Variants in TAF4 observed in about 807,000 individuals in gnomAD.
The protein encoded by TAF4 is transcription initiation factor TFIID subunit 4.
A neutral mutation model predicts 90.3 loss-of-function variants in TAF4; 9 were observed. That is an observed-to-expected ratio of 0.10 (90% confidence interval 0.06 to 0.17). TAF4 has a LOEUF of 0.17. Among genes scored for constraint, TAF4 ranks in the 10% least tolerant of loss-of-function variants. The probability of loss-of-function intolerance (pLI) is 1.00; values close to 1 mark genes in which losing one functional copy is unlikely to be tolerated. For missense variants in TAF4, 1,351 were observed against 1,370.7 expected (o/e 0.99, Z 0.23); for synonymous variants, 818 against 638.9 (o/e 1.28, Z -4.23).
At chr20:62,015,642 A>G (rs575874365) in intron 1 of TAF4, among the ~76,000 whole-genome samples, 1 of 152,308 alleles carries the variant, frequency 6.6e-6, no homozygotes, top group Non-Finnish European at 1.5e-5. Context: ...CACGGGGCAC[A>G]GGGGGCGGCC....
chr20:62,014,156 T>C (rs1257776044), intron 2 of TAF4, among the ~76,000 whole-genome samples: 1 of 152,076 alleles, frequency 6.6e-6, no homozygotes, highest in Non-Finnish European at 1.5e-5. Context: ...CATGCGGCGC[T>C]GGTGGCGGTC....
At chr20:62,062,942 G>A (rs1348287729) in intron 1 of TAF4, among the ~76,000 whole-genome samples, 2 of 152,196 alleles carry the variant, frequency 1.3e-5, no homozygotes, top group African/African-American at 2.4e-5. Flanking sequence ...ATAAAGCATT[G>A]TGACAGTTTA....
intron 6 of TAF4, chr20:62,007,073 A>T (rs1330481567): frequency 3.2e-6 from 1 of 310,220 alleles, no homozygotes; most frequent in African/African-American, 2.1e-5. Context: ...CAACACATGG[A>T]AATAAGTACT....
intron 1 of TAF4, among the ~76,000 whole-genome samples, chr20:62,041,616 G>A (rs977934739): frequency 2.0e-5 from 3 of 151,636 alleles, no homozygotes; most frequent in Admixed American, 6.6e-5. Context: ...GCAACAGAGC[G>A]AGAATCCATC....
chr20:62,010,109 A>C lies in TAF4; in HGVS notation c.1698T>G (p.Ala566=), dbSNP rs778990069. 1 of 1,613,984 alleles carries C rather than the reference A, an allele frequency of 6.2e-7. No individual in the cohort carries two copies. The highest frequency in any genetic ancestry group is 1.1e-5 in the South Asian group (1 of 91,078). The change falls in exon 4 of 15, where the codon GCT becomes GCG. Residue 566 remains alanine (A), a synonymous_variant. Transcript: ENST00000252996. The surrounding 1 kb of genome is among the most constrained non-coding windows in gnomAD (Gnocchi z 4.5). ...AQTASLGTAT[A]VQTGTPQRTV... is the part of the protein sequence containing the mutation. The stretch of plus-strand genomic sequence containing the variant: ...TGCGCTGAGGAGTCCCCGTCTGAAC[A>C]GCCGTCGCCGTCCCAAGTGAAGCCG...
At chr20:62,054,273 G>A (rs191008692) in intron 1 of TAF4, among the ~76,000 whole-genome samples, 5 of 152,294 alleles carry the variant, frequency 3.3e-5, no homozygotes, top group East Asian at 3.9e-4. Flanking sequence ...AAGGGGCCAC[G>A]GGGTTTTGGA....
chr20:61,991,816 C>G (rs1007290086), intron 14 of TAF4, among the ~76,000 whole-genome samples: 1 of 152,196 alleles, frequency 6.6e-6, no homozygotes, highest in East Asian at 1.9e-4. Flanking sequence ...GAACACCACC[C>G]CAGCACAACC....
At chr20:62,026,385 C>T (rs899607551) in intron 1 of TAF4, among the ~76,000 whole-genome samples, 1 of 152,188 alleles carries the variant, frequency 6.6e-6, no homozygotes, top group Non-Finnish European at 1.5e-5. Flanking sequence ...CTGAGTAGCT[C>T]GGAGCATGAA....
At position 62,000,000 on chromosome 20, in the gene TAF4, G is replaced by A. The variant is rs112765820; in HGVS notation, c.2787+124C>T. The A allele has an allele frequency of 3.6e-3, 4,327 of 1,196,356 alleles. 95 individuals are homozygous for A. The African/African-American group carries it at 0.058, about 16-fold the overall frequency. The allele number at this position is 1,196,356 out of a possible 1,614,324, so 74.1% of individuals were successfully genotyped here. On this transcript the variant is annotated intron_variant, in intron 11 of 14. Coordinates refer to ENST00000252996, the MANE Select transcript of TAF4 (RefSeq NM_003185.4). ...CCTATAAGAAATCCAAAACACGTTC[G>A]TAAGGAACATGGAGGCACTTGGGAC...
intron 1 of TAF4, among the ~76,000 whole-genome samples, chr20:62,063,627 A>C (rs2056102865): frequency 6.6e-6 from 1 of 151,146 alleles, no homozygotes; most frequent in Non-Finnish European, 1.5e-5. Flanking sequence ...TCGCCCCGAG[A>C]CCCCTGCACG....
At chr20:62,050,598 G>A (rs561629079) in intron 1 of TAF4, among the ~76,000 whole-genome samples, 6 of 151,824 alleles carry the variant, frequency 4.0e-5, no homozygotes, top group Non-Finnish European at 8.8e-5. Context: ...AATAAAAAGA[G>A]AAGAGAAGGA....
intron 1 of TAF4, among the ~76,000 whole-genome samples, chr20:62,027,723 A>C (rs1435468409): frequency 6.6e-6 from 1 of 152,226 alleles, no homozygotes; most frequent in African/African-American, 2.4e-5. Flanking sequence ...CATTAACTTT[A>C]CCTCACAAAC....
chr20:61,995,387 A>G (rs1446322196), intron 14 of TAF4, among the ~76,000 whole-genome samples: 5 of 152,216 alleles, frequency 3.3e-5, no homozygotes, highest in African/African-American at 1.2e-4. Context: ...TCAACTGGAG[A>G]TGGCAGAAAT....
intron 14 of TAF4, 99 bp downstream of exon 14, chr20:61,997,451 A>C: frequency 7.6e-7 from 1 of 1,318,038 alleles, no homozygotes; most frequent in Non-Finnish European, 9.8e-7. Context: ...AATGGTAAGA[A>C]AGCAAATTCC....
chr20:62,064,902 GGCGGCGGCGGGGGGCGGCACGGCGGGC>G lies in TAF4; in HGVS notation c.882_908del (p.Pro295_Ala303del). The G allele has an allele frequency of 1.3e-6, 1 of 763,262 alleles. No homozygotes were observed. Among genetic ancestry groups the G allele is most frequent in the Non-Finnish European group, 1.6e-6 (1 of 632,812 alleles). The allele number at this position is 763,262 out of a possible 1,614,324, so 47.3% of individuals were successfully genotyped here. On this transcript the variant is annotated inframe_deletion, in exon 1 of 15. Coordinates refer to ENST00000252996, the MANE Select transcript of TAF4 (RefSeq NM_003185.4). ...CTGCCCCGGCGCTGCCCCCGTTCTG[GGCGGCGGCGGGGGGCGGCACGGCGGGC>G]GCGGCGGTCGGGGGTCCGGCGGGGT... is the stretch of plus-strand genomic sequence containing the variant.
chr20:62,012,769 T>C, intron 3 of TAF4, 46 bp downstream of exon 3: 1 of 1,563,466 alleles, frequency 6.4e-7, no homozygotes, highest in Non-Finnish European at 8.6e-7. Context: ...GAAATCACAC[T>C]TCGTGGCCCC....
At chr20:62,036,556 G>A (rs1176334919) in intron 1 of TAF4, among the ~76,000 whole-genome samples, 2 of 152,144 alleles carry the variant, frequency 1.3e-5, no homozygotes, top group Non-Finnish European at 1.5e-5. Flanking sequence ...ACACCAAACT[G>A]TAGCAAACTG....
intron 1 of TAF4, among the ~76,000 whole-genome samples, chr20:62,060,514 C>G (rs577120949): frequency 6.6e-6 from 1 of 152,302 alleles, no homozygotes; most frequent in Admixed American, 6.5e-5. Context: ...CTGTTCATCC[C>G]GAAGGCGATG....
intron 1 of TAF4, among the ~76,000 whole-genome samples, chr20:62,053,346 C>T (rs1313231725): frequency 6.6e-6 from 1 of 152,240 alleles, no homozygotes; most frequent in Non-Finnish European, 1.5e-5. Context: ...AGGACCAGGA[C>T]CGCCCTCGCA....
Sources: allele counts gnomAD v4.1 joint callset (sites outside exome capture counted in the v4.1 genomes callset), GRCh38; gene constraint gnomAD v4.1.1; non-coding constraint Gnocchi (gnomAD v3.1); transcripts MANE v1.5; gene names NCBI Gene and HGNC (gene_info 2026-07-23, HGNC 2026-07-21).